Variants in PRKN observed in about 807,000 individuals in gnomAD.
PRKN encodes E3 ubiquitin-protein ligase parkin.
PRKN carries 56 observed loss-of-function variants against 59.5 expected under a neutral mutation model. That is an observed-to-expected ratio of 0.94 (90% CI 0.76 to 1.18). PRKN has a LOEUF of 1.18. Among genes scored for constraint, PRKN ranks in the 50% most tolerant of loss-of-function variants. The pLI is 0.00. For missense variants in PRKN, 657 were observed against 596.4 expected (o/e 1.10, Z -1.06); for synonymous variants, 250 against 222.1 (o/e 1.13, Z -1.12).
chr6:162,179,247 T>A (rs1351620110), intron 4 of PRKN, among the ~76,000 whole-genome samples: 1 of 152,184 alleles, frequency 6.6e-6, no homozygotes, highest in East Asian at 1.9e-4. Context: ...CATGTTCTAT[T>A]TGAGCCTATA....
chr6:161,974,564 T>C (rs1009049101), intron 5 of PRKN, among the ~76,000 whole-genome samples: 19 of 152,192 alleles, frequency 1.2e-4, no homozygotes, highest in Non-Finnish European at 1.9e-4. Flanking sequence ...TCTCCTTCTG[T>C]TCACTCACAC....
chr6:161,737,269 G>T (rs896256912), intron 7 of PRKN, among the ~76,000 whole-genome samples: 1 of 152,140 alleles, frequency 6.6e-6, no homozygotes, highest in East Asian at 1.9e-4. Flanking sequence ...CTAAATCAGG[G>T]GACTGCTTGA....
At chr6:161,941,419 C>T (rs909072219) in intron 6 of PRKN, among the ~76,000 whole-genome samples, 2 of 152,190 alleles carry the variant, frequency 1.3e-5, no homozygotes, top group Non-Finnish European at 2.9e-5. Context: ...TGCTGAGCAG[C>T]CCGACTCCAG....
intron 7 of PRKN, among the ~76,000 whole-genome samples, chr6:161,572,480 T>A (rs1265452910): frequency 6.6e-6 from 1 of 152,008 alleles, no homozygotes; most frequent in African/African-American, 2.4e-5. Context: ...GCCAACATGA[T>A]GAAACGCTGT....
At chr6:161,358,788 CTTTTTTTTT>C (rs34428983) in intron 11 of PRKN, among the ~76,000 whole-genome samples, 2 of 67,820 alleles carry the variant, frequency 2.9e-5, no homozygotes, top group South Asian at 7.4e-4. Context: ...GCCTTCTGCT[CTTTTTTTTT>C]TTTTTTTTTT....
At chr6:162,374,053 C>T (rs184457757) in intron 2 of PRKN, among the ~76,000 whole-genome samples, 2 of 152,268 alleles carry the variant, frequency 1.3e-5, no homozygotes, top group Admixed American at 1.3e-4. Flanking sequence ...GAGGTTATAG[C>T]CTGATTACAC....
rs770272471 is a variant in PRKN at position 161,503,932 on chromosome 6, T to C, written c.1083+44922A>G. Among the ~76,000 whole-genome samples, 12 of 152,182 alleles carry C rather than the reference T, an allele frequency of 7.9e-5. No homozygotes were observed. The highest frequency in any genetic ancestry group is 1.9e-4 in the East Asian group (1 of 5,188). ...AGACACCCTAGACAGGGGGAAAGCATTGAAGAACCTCTGTGGTCAACCTAA... is the reference window on the plus strand; with the variant it reads ...AGACACCCTAGACAGGGGGAAAGCACTGAAGAACCTCTGTGGTCAACCTAA... On this transcript the variant is annotated intron_variant, in intron 9 of 11. Transcript: ENST00000366898. This position sits in a 1 kb window ranked among gnomAD's most constrained non-coding sequence, Gnocchi z 5.1.
chr6:161,919,890 G>A (rs1017069843), intron 6 of PRKN, among the ~76,000 whole-genome samples: 1 of 152,216 alleles, frequency 6.6e-6, no homozygotes, highest in African/African-American at 2.4e-5. Flanking sequence ...CAGATAGTAA[G>A]CATACGTTTT....
intron 2 of PRKN, among the ~76,000 whole-genome samples, chr6:162,379,609 C>T (rs907992871): frequency 6.6e-6 from 1 of 152,152 alleles, no homozygotes; most frequent in Non-Finnish European, 1.5e-5. Flanking sequence ...CAAACTGAGC[C>T]TCAATGCCTT....
intron 3 of PRKN, among the ~76,000 whole-genome samples, chr6:162,232,261 C>T (rs1429394793): frequency 1.3e-5 from 2 of 152,094 alleles, no homozygotes; most frequent in African/African-American, 2.4e-5. Flanking sequence ...ACCTGCAGTG[C>T]CTGTTGAAGG....
chr6:162,494,376 C>G (rs1253945844), intron 1 of PRKN, among the ~76,000 whole-genome samples: 1 of 151,740 alleles, frequency 6.6e-6, no homozygotes, highest in Admixed American at 6.6e-5. Context: ...CTGCAAGACC[C>G]CAGTAAGCCC....
chr6:162,192,660 T>C (rs1355509650), intron 4 of PRKN, among the ~76,000 whole-genome samples: 1 of 151,806 alleles, frequency 6.6e-6, no homozygotes, highest in African/African-American at 2.4e-5. Context: ...GTTCTCACTA[T>C]AATAGTAGTC....
intron 1 of PRKN, among the ~76,000 whole-genome samples, chr6:162,496,396 C>G (rs566231228): frequency 6.6e-6 from 1 of 152,166 alleles, no homozygotes; most frequent in East Asian, 1.9e-4. Context: ...CAGTAATAGG[C>G]CCACTCAAGC....
At chr6:161,472,155 A>G (rs190418192) in intron 9 of PRKN, among the ~76,000 whole-genome samples, 1 of 152,302 alleles carries the variant, frequency 6.6e-6, no homozygotes, top group Admixed American at 6.5e-5. Context: ...TCACAGAAGG[A>G]CTAAGGCTTC....
chr6:162,190,372 G>A (rs1784223084), intron 4 of PRKN, among the ~76,000 whole-genome samples: 1 of 152,168 alleles, frequency 6.6e-6, no homozygotes, highest in East Asian at 1.9e-4. Context: ...ACAGAGTCCA[G>A]TGAATTTTAC....
rs1195653366 is a variant in PRKN at position 162,368,587 on chromosome 6, T to A, written c.171+74723A>T. 2.0e-5 allele frequency among the ~76,000 whole-genome samples: 3 copies of A among 152,142 alleles called. No individual in the cohort carries two copies. The East Asian group carries it at 5.8e-4, about 29-fold the overall frequency. On this transcript the variant is annotated intron_variant, in intron 2 of 11. Coordinates refer to ENST00000366898, the MANE Select transcript of PRKN (RefSeq NM_004562.3). ...GTACCAGCAGCACAGAAGCTCACACTCTGTCATCAGAGCTGGGTTGGCAGT... is the reference window on the plus strand; with the variant it reads ...GTACCAGCAGCACAGAAGCTCACACACTGTCATCAGAGCTGGGTTGGCAGT...
At chr6:162,427,684 C>T (rs1309661084) in intron 2 of PRKN, among the ~76,000 whole-genome samples, 1 of 145,678 alleles carries the variant, frequency 6.9e-6, no homozygotes, top group Non-Finnish European at 1.5e-5. Flanking sequence ...CTCGCTCTGT[C>T]GCCCAGGCTG....
At chr6:161,653,072 G>C (rs1031490908) in intron 7 of PRKN, among the ~76,000 whole-genome samples, 1 of 152,158 alleles carries the variant, frequency 6.6e-6, no homozygotes, top group Non-Finnish European at 1.5e-5. Flanking sequence ...TGCTACATAA[G>C]ATACAAATTG....
intron 2 of PRKN, among the ~76,000 whole-genome samples, chr6:162,369,583 T>C (rs1287950801): frequency 6.6e-6 from 1 of 152,208 alleles, no homozygotes; most frequent in African/African-American, 2.4e-5. Flanking sequence ...GGGTTTTATT[T>C]ACTCACAAAG....
Sources: allele counts gnomAD v4.1 joint callset (sites outside exome capture counted in the v4.1 genomes callset), GRCh38; gene constraint gnomAD v4.1.1; non-coding constraint Gnocchi (gnomAD v3.1); transcripts MANE v1.5; gene names NCBI Gene and HGNC (gene_info 2026-07-23, HGNC 2026-07-21).